The following ABCA4 variants were observed in gnomAD, a reference collection of about 807,000 sequenced individuals.
ABCA4 encodes ATP binding cassette subfamily A member 4, also known as retinal-specific phospholipid-transporting ATPase ABCA4.
In ABCA4, 196 loss-of-function variants were observed where a neutral mutation model predicts 263.7. The observed-to-expected ratio is 0.74, with a 90% confidence interval of 0.66 to 0.84. The LOEUF (loss-of-function observed/expected upper bound fraction) is 0.84, where lower values mean the gene tolerates loss of function less well. Ranked by LOEUF, ABCA4 falls within the 40% of genes least tolerant of loss-of-function variation. ABCA4 has a pLI of 0.00. For synonymous variants in ABCA4, 1,133 were observed against 1,094.2 expected, an observed-to-expected ratio of 1.04 and a Z score of -0.70; for missense variants, 2,792 against 2,855.1, an observed-to-expected ratio of 0.98 and a Z score of 0.50.
chr1:94,045,959 T>G (rs1194866032), intron 19 of ABCA4: 1 of 456,192 alleles, frequency 2.2e-6, no homozygotes, highest in South Asian at 1.5e-5. Flanking sequence ...GTGGGGCGCC[T>G]GCGGAGCTGA....
chr1:94,026,114 A>G (rs2101029070), intron 30 of ABCA4, among the ~76,000 whole-genome samples: 1 of 152,186 alleles, frequency 6.6e-6, no homozygotes, highest in East Asian at 1.9e-4. Flanking sequence ...AAAAGCATTC[A>G]CTCTGTCAAG....
chr1:94,105,101 C>T (rs1376388234), intron 4 of ABCA4, among the ~76,000 whole-genome samples: 1 of 152,198 alleles, frequency 6.6e-6, no homozygotes, highest in East Asian at 1.9e-4. Context: ...CTCATTGTAC[C>T]TAGCAATGCT....
At chr1:94,010,256 G>A (rs565663780) in intron 40 of ABCA4, among the ~76,000 whole-genome samples, 1 of 152,230 alleles carries the variant, frequency 6.6e-6, no homozygotes, top group Non-Finnish European at 1.5e-5. Context: ...GCCTGCGGAA[G>A]AATGGCAATT....
Position 94,078,593 on chromosome 1 carries a change from G to T in ABCA4, c.1353C>A (p.Ile451=). 8.2e-7 allele frequency: 1 copy of T among 1,222,098 alleles called. No individual in the cohort carries two copies. Among genetic ancestry groups the T allele is most frequent in the Non-Finnish European group, 1.1e-6 (1 of 888,088 alleles). The allele number at this position is 1,222,098 out of a possible 1,614,324, so 75.7% of individuals were successfully genotyped here. A position where few individuals can be genotyped will look rare whatever the true frequency, so the allele number is the denominator to read the frequency against. ...CCCATCCTCCAACCCCCCTTACTCT[G>T]ATCATGTTCATCTGTGTGCTGTTGT... The part of the protein sequence containing the change: ...FFDNSTQMNM[I]RDTLGNPTVK... The change falls in exon 10 of 50, where the codon ATC becomes ATA. Residue 451 remains isoleucine, a synonymous_variant. Transcript: ENST00000370225.
chr1:94,083,224 G>T, intron 7 of ABCA4, 128 bp downstream of exon 7: 1 of 893,982 alleles, frequency 1.1e-6, no homozygotes, highest in Non-Finnish European at 1.8e-6. Context: ...CTTTGAAATT[G>T]CTAGATGGAA....
intron 11 of ABCA4, among the ~76,000 whole-genome samples, chr1:94,072,754 T>A (rs1661438463): frequency 6.6e-6 from 1 of 152,156 alleles, no homozygotes; most frequent in East Asian, 1.9e-4. Context: ...CCATGAGTGA[T>A]GTGAGGCTCC....
chr1:94,001,873 T>C lies in ABCA4; in HGVS notation c.6267A>G (p.Pro2089=), dbSNP rs1323070675. The C allele has an allele frequency of 3.1e-6, 5 of 1,614,048 alleles. No homozygotes were observed. Among genetic ancestry groups the C allele is most frequent in the African/African-American group, 1.3e-5 (1 of 74,914 alleles). ...LSTAIALIGC[P]PLVLLDEPTT... Reference sequence around the variant, plus strand: ...CCGCAGTTACCAGCAGCACCAGCGGTGGGCAGCCAATGAGTGCGATGGCTG... The same window carrying C: ...CCGCAGTTACCAGCAGCACCAGCGGCGGGCAGCCAATGAGTGCGATGGCTG... Residue 2089 remains proline (P), a synonymous_variant, in exon 45 of 50, where the codon CCA becomes CCG. Transcript: ENST00000370225.
At chr1:94,019,891 C>A in intron 35 of ABCA4, 132 bp from the exon 36 acceptor site, 1 of 934,034 alleles carries the variant, frequency 1.1e-6, no homozygotes. Flanking sequence ...TCTTCTCTAC[C>A]TTGAAGCTGT....
At chr1:94,026,442 C>T (rs1289939589) in intron 30 of ABCA4, among the ~76,000 whole-genome samples, 1 of 152,168 alleles carries the variant, frequency 6.6e-6, no homozygotes, top group East Asian at 1.9e-4. Context: ...GAACAGTTAG[C>T]TGACTTGCAC....
intron 24 of ABCA4, among the ~76,000 whole-genome samples, chr1:94,039,539 A>G (rs1660430807): frequency 6.6e-6 from 1 of 152,130 alleles, no homozygotes. Context: ...AGTGCATCCT[A>G]ATTAAAGGGA....
intron 12 of ABCA4, 129 bp downstream of exon 12, chr1:94,062,983 A>C: frequency 1.8e-6 from 2 of 1,115,444 alleles, no homozygotes; most frequent in Non-Finnish European, 2.7e-6. Flanking sequence ...GCTTTATAAA[A>C]TATCTTATTT....
chr1:94,009,524 C>T (rs1184896657), intron 40 of ABCA4, among the ~76,000 whole-genome samples: 1 of 152,190 alleles, frequency 6.6e-6, no homozygotes, highest in Non-Finnish European at 1.5e-5. Flanking sequence ...CAGCAATTGG[C>T]ATCTCCCCCT....
intron 11 of ABCA4, among the ~76,000 whole-genome samples, chr1:94,064,850 G>T (rs1661223298): frequency 6.6e-6 from 1 of 152,068 alleles, no homozygotes; most frequent in South Asian, 2.1e-4. Context: ...TTCTGGGCAG[G>T]CCTTAAACAG....
At chr1:94,033,056 T>C (rs1390686139) in intron 26 of ABCA4, among the ~76,000 whole-genome samples, 1 of 152,206 alleles carries the variant, frequency 6.6e-6, no homozygotes, top group East Asian at 1.9e-4. Context: ...GGTTTGAATA[T>C]GGATTCTTAC....
intron 45 of ABCA4, 72 bp from the exon 46 acceptor site, chr1:94,001,177 T>C: frequency 7.7e-7 from 1 of 1,295,114 alleles, no homozygotes; most frequent in Non-Finnish European, 1.1e-6. Flanking sequence ...CCCCCTGGGC[T>C]GGCTCCCCTG....
At chr1:94,023,700 T>C (rs1659965085) in intron 31 of ABCA4, among the ~76,000 whole-genome samples, 3 of 152,224 alleles carry the variant, frequency 2.0e-5, no homozygotes, top group South Asian at 4.1e-4. Context: ...CAGGTCAATA[T>C]GCCTGATCTG....
chr1:93,996,285 C>G, intron 48 of ABCA4, 90 bp from the exon 49 acceptor site: 1 of 1,000,294 alleles, frequency 1.0e-6, no homozygotes, highest in Non-Finnish European at 1.5e-6. Context: ...CTATTTTCCA[C>G]AGTTCACATA....
rs1250914690 is a variant in ABCA4, at chr1:94,001,890, C to T, written c.6250G>A (p.Ala2084Thr). 1.5e-5 allele frequency: 25 copies of T among 1,614,084 alleles called. No homozygotes were observed. Among genetic ancestry groups the T allele is most frequent in the Middle Eastern group, 1.6e-4 (1 of 6,084 alleles). The change falls in exon 45 of 50, where the codon GCA (alanine) becomes ACA (threonine). Residue 2084 changes from alanine to threonine, a missense_variant. Ala to Thr is a moderately conservative substitution (Grantham distance 58, BLOSUM62 0). Transcript: ENST00000370225. ...GNKRKLSTAIALIGCPPLVLL... is the reference protein window; with the variant it reads ...GNKRKLSTAITLIGCPPLVLL... ...ACCAGCGGTGGGCAGCCAATGAGTG[C>T]GATGGCTGTGGAGAGTTTCCGCTTG...
At chr1:94,074,084 A>T (rs1661475362) in intron 11 of ABCA4, among the ~76,000 whole-genome samples, 1 of 152,220 alleles carries the variant, frequency 6.6e-6, no homozygotes, top group African/African-American at 2.4e-5. Context: ...GTCTGTAAAC[A>T]TGCAGATAAC....
Sources: allele counts gnomAD v4.1 joint callset (sites outside exome capture counted in the v4.1 genomes callset), GRCh38; gene constraint gnomAD v4.1.1; transcripts MANE v1.5; gene names NCBI Gene and HGNC (gene_info 2026-07-23, HGNC 2026-07-21).